TRAF3IP1: variants seen among roughly 807,000 people sequenced by gnomAD.
TRAF3IP1 encodes TRAF3-interacting protein 1.
In TRAF3IP1, 53 loss-of-function variants were observed where a neutral mutation model predicts 89.9. The observed-to-expected ratio is 0.59, with a 90% CI of 0.47 to 0.74. TRAF3IP1 has a LOEUF of 0.74. TRAF3IP1 is among the 30% of genes least tolerant of loss of function. The probability of loss-of-function intolerance (pLI) is 0.00; values close to 1 mark genes in which losing one functional copy is unlikely to be tolerated. For synonymous variants in TRAF3IP1, 311 were observed against 322.1 expected (o/e 0.97, Z 0.37); for missense variants, 806 against 866.1 (o/e 0.93, Z 0.87).
chr2:238,345,118 G>C lies in TRAF3IP1; in HGVS notation c.1261+520G>C, dbSNP rs931570098. On this transcript the variant is annotated intron_variant, in intron 9 of 16. Coordinates refer to ENST00000373327, the MANE Select transcript of TRAF3IP1 (RefSeq NM_015650.4). The surrounding 1 kb of genome is among the most constrained non-coding windows in gnomAD (Gnocchi z 4.7). ...TTGGAGCTCCTAACAGGCCTGCAAG[G>C]GTACCAGTGCCCAGGTAACCAAGGC... Among the ~76,000 whole-genome samples the C allele has an allele frequency of 6.6e-6, 1 of 152,232 alleles. No individual in the cohort carries two copies. Among genetic ancestry groups the C allele is most frequent in the Non-Finnish European group, 1.5e-5 (1 of 68,036 alleles).
At chr2:238,360,785 C>G (rs868389084) in intron 15 of TRAF3IP1, among the ~76,000 whole-genome samples, 2 of 152,032 alleles carry the variant, frequency 1.3e-5, no homozygotes, top group African/African-American at 4.8e-5. Context: ...GAGGCTGAGG[C>G]AGGAGAATCG....
chr2:238,325,245 A>G (rs887414942), intron 1 of TRAF3IP1, 61 bp from the exon 2 acceptor site: 30 of 1,513,016 alleles, frequency 2.0e-5, no homozygotes, highest in Non-Finnish European at 2.4e-5. Flanking sequence ...AGTTGAGTGG[A>G]TGAGGCTGAT....
intron 9 of TRAF3IP1, 89 bp from the exon 10 acceptor site, chr2:238,347,366 G>A (rs1698941843): frequency 4.4e-6 from 6 of 1,371,314 alleles, no homozygotes; most frequent in South Asian, 2.4e-5. Flanking sequence ...ATTATGTACA[G>A]TGTGTTTTTT....
intron 6 of TRAF3IP1, 138 bp from the exon 7 acceptor site, chr2:238,333,822 T>G (rs937014824): frequency 1.5e-6 from 1 of 681,514 alleles, no homozygotes; most frequent in Non-Finnish European, 2.5e-6. Flanking sequence ...CTTAGTAGTA[T>G]TGAGTTTTTA....
intron 1 of TRAF3IP1, 38 bp from the exon 2 acceptor site, chr2:238,325,268 T>C (rs766819070): frequency 2.5e-6 from 4 of 1,606,968 alleles, no homozygotes; most frequent in Admixed American, 3.3e-5. Context: ...GGAGGCTGTC[T>C]GTGAGGTGAC....
At chr2:238,354,049 C>T (rs141271234) in intron 14 of TRAF3IP1, among the ~76,000 whole-genome samples, 29 of 152,344 alleles carry the variant, frequency 1.9e-4, no homozygotes, top group African/African-American at 7.0e-4. Context: ...GCTGGGATTA[C>T]AGGCATGGGC....
At chr2:238,393,806 T>C (rs1701095848) in intron 15 of TRAF3IP1, among the ~76,000 whole-genome samples, 1 of 152,244 alleles carries the variant, frequency 6.6e-6, no homozygotes, top group South Asian at 2.1e-4. Context: ...CTTGGGCATA[T>C]GGACATATTC....
intron 3 of TRAF3IP1, 41 bp downstream of exon 3, chr2:238,326,011 T>A (rs1697814354): frequency 1.3e-6 from 2 of 1,582,110 alleles, no homozygotes; most frequent in East Asian, 4.5e-5. Context: ...ACTTAGTACT[T>A]GAGTAAAAAG....
At chr2:238,384,498 G>T (rs1700681029) in intron 15 of TRAF3IP1, among the ~76,000 whole-genome samples, 2 of 151,236 alleles carry the variant, frequency 1.3e-5, no homozygotes, top group South Asian at 4.2e-4. Context: ...TCAGCCTCTG[G>T]AGTAGCTGGG....
intron 15 of TRAF3IP1, among the ~76,000 whole-genome samples, chr2:238,357,678 C>G (rs1699480990): frequency 6.6e-6 from 1 of 152,186 alleles, no homozygotes; most frequent in African/African-American, 2.4e-5. Context: ...AATGTTAATA[C>G]ATTATAGTCC....
intron 9 of TRAF3IP1, 21 bp from the exon 10 acceptor site, chr2:238,347,434 T>G: frequency 6.2e-7 from 1 of 1,614,062 alleles, no homozygotes; most frequent in South Asian, 1.1e-5. Context: ...AAGCTAATTT[T>G]CTGATGTGCT....
At chr2:238,326,768 A>G (rs1280111100) in intron 3 of TRAF3IP1, among the ~76,000 whole-genome samples, 1 of 152,030 alleles carries the variant, frequency 6.6e-6, no homozygotes, top group Non-Finnish European at 1.5e-5. Context: ...CCCAAATGGG[A>G]ACAGGTAGGT....
At chr2:238,320,951 GGT>G in intron 1 of TRAF3IP1, 166 bp downstream of exon 1, 1 of 444,644 alleles carries the variant, frequency 2.2e-6, no homozygotes, top group African/African-American at 2.1e-5. Context: ...GTGTGAACCG[GGT>G]GTGGGCCGGG....
intron 12 of TRAF3IP1, 82 bp from the exon 13 acceptor site, chr2:238,352,744 CT>C: frequency 7.2e-7 from 1 of 1,382,892 alleles, no homozygotes; most frequent in Non-Finnish European, 9.8e-7. Context: ...AGATTCCTCT[CT>C]GCCGACCTCT....
At chr2:238,386,608 C>T (rs781499042) in intron 15 of TRAF3IP1, among the ~76,000 whole-genome samples, 5 of 152,146 alleles carry the variant, frequency 3.3e-5, no homozygotes, top group South Asian at 2.1e-4. Flanking sequence ...CCACTGAGCC[C>T]GGCCAAAATT....
At chr2:238,346,770 G>A (rs909765472) in intron 9 of TRAF3IP1, among the ~76,000 whole-genome samples, 2 of 152,204 alleles carry the variant, frequency 1.3e-5, no homozygotes, top group South Asian at 2.1e-4. Context: ...GAATCCATGC[G>A]CTTTCTGCTC....
At chr2:238,386,593 G>A (rs1457736749) in intron 15 of TRAF3IP1, among the ~76,000 whole-genome samples, 1 of 152,144 alleles carries the variant, frequency 6.6e-6, no homozygotes, top group African/African-American at 2.4e-5. Flanking sequence ...GATTACAAGC[G>A]TGAGCCACTG....
intron 15 of TRAF3IP1, among the ~76,000 whole-genome samples, chr2:238,385,656 G>A (rs367896470): frequency 2.6e-5 from 4 of 152,284 alleles, no homozygotes; most frequent in East Asian, 1.9e-4. Flanking sequence ...GACTGGTTTC[G>A]TGAAAGCCAG....
chr2:238,356,873 G>T (rs998396854), intron 15 of TRAF3IP1, among the ~76,000 whole-genome samples: 21 of 151,814 alleles, frequency 1.4e-4, no homozygotes, highest in African/African-American at 5.1e-4. Flanking sequence ...CCGCCTCCCG[G>T]GTTCACGCCA....
Sources: allele counts gnomAD v4.1 joint callset (sites outside exome capture counted in the v4.1 genomes callset), GRCh38; gene constraint gnomAD v4.1.1; non-coding constraint Gnocchi (gnomAD v3.1); transcripts MANE v1.5; gene names NCBI Gene and HGNC (gene_info 2026-07-23, HGNC 2026-07-21).